NSMCE1: variants seen among roughly 807,000 people sequenced by gnomAD.
The protein encoded by NSMCE1 is non-structural maintenance of chromosomes element 1 homolog.
In NSMCE1, 18 loss-of-function variants were observed where a neutral mutation model predicts 29.6. That is an observed-to-expected ratio of 0.61 (90% CI 0.42 to 0.90). The LOEUF (loss-of-function observed/expected upper bound fraction) is 0.90, where lower values mean the gene tolerates loss of function less well. NSMCE1 is among the 40% of genes least tolerant of loss of function. The pLI is 0.00. For missense variants in NSMCE1, 314 were observed against 343.6 expected (o/e 0.91, Z 0.68); for synonymous variants, 124 against 133.4 (o/e 0.93, Z 0.49).
chr16:27,226,873 G>T, intron 5 of NSMCE1, 37 bp from the exon 6 acceptor site: 1 of 1,307,686 alleles, frequency 7.6e-7, no homozygotes, highest in Non-Finnish European at 1.1e-6. Context: ...CCCTCAGCCA[G>T]GCCCTCTCCC....
chr16:27,244,779 G>C lies in NSMCE1; in HGVS notation c.137-9480C>G, dbSNP rs1191662850. Among the ~76,000 whole-genome samples the C allele has an allele frequency of 2.6e-5, 4 of 152,160 alleles. No homozygotes were observed. The East Asian group carries it at 5.8e-4, about 22-fold the overall frequency. ...ACCACACTGTCTGCCTCCGAGTTAC[G>C]GTCTTTCTCTTTCTAAGCAGAATGC... On this transcript the variant is annotated intron_variant, in intron 2 of 7. Transcript: ENST00000361439.
In NSMCE1 at chr16:27,233,147, G is replaced by T. The variant is rs865942593; in HGVS notation, c.337C>A (p.Leu113Met). 1.2e-6 allele frequency: 2 copies of T among 1,611,272 alleles called. No individual in the cohort carries two copies. The highest frequency in any genetic ancestry group is 1.1e-5 in the South Asian group (1 of 90,166). ...GTTTCTGAGTCAATAATCAGTTCCA[G>T]CTGGAAGAAAGAGCAGGTATCATGC... The part of the protein sequence containing the change: ...ENELDLFRKA[L>M]ELIIDSETGF... Residue 113 changes from leucine to methionine, a missense_variant and splice_region_variant, in exon 5 of 8, where the codon CTG becomes ATG. Coordinates refer to ENST00000361439, the MANE Select transcript of NSMCE1 (RefSeq NM_145080.4).
chr16:27,227,701 C>A (rs76308256), intron 5 of NSMCE1, among the ~76,000 whole-genome samples: 1 of 152,164 alleles, frequency 6.6e-6, no homozygotes, highest in Admixed American at 6.5e-5. Flanking sequence ...GCAAGTCACC[C>A]GAGTGCTCAA....
intron 2 of NSMCE1, among the ~76,000 whole-genome samples, chr16:27,248,386 C>T (rs1368388766): frequency 6.7e-6 from 1 of 149,148 alleles, no homozygotes; most frequent in African/African-American, 2.5e-5. Flanking sequence ...GCAGTGGTAG[C>T]TCACTGCGGT....
chr16:27,255,291 A>G (rs1462602649), intron 2 of NSMCE1, among the ~76,000 whole-genome samples: 2 of 152,160 alleles, frequency 1.3e-5, no homozygotes, highest in African/African-American at 2.4e-5. Flanking sequence ...ACTGCGGCGC[A>G]TCTACCTTCA....
At chr16:27,240,606 C>G (rs1186170262) in intron 2 of NSMCE1, among the ~76,000 whole-genome samples, 1 of 152,178 alleles carries the variant, frequency 6.6e-6, no homozygotes, top group African/African-American at 2.4e-5. Context: ...AGCCACTCTT[C>G]CTTTAACAGG....
chr16:27,252,215 T>C (rs1055318912), intron 2 of NSMCE1, among the ~76,000 whole-genome samples: 1 of 152,166 alleles, frequency 6.6e-6, no homozygotes, highest in African/African-American at 2.4e-5. Context: ...GGATGGGGGC[T>C]GGTCACCAGA....
At chr16:27,235,744 C>G (rs1010831078) in intron 2 of NSMCE1, among the ~76,000 whole-genome samples, 35 of 152,242 alleles carry the variant, frequency 2.3e-4, no homozygotes, top group Non-Finnish European at 7.3e-5. Context: ...TATGTCCCCA[C>G]ACATCTTAGG....
intron 2 of NSMCE1, among the ~76,000 whole-genome samples, chr16:27,255,672 G>A (rs569096150): frequency 1.3e-5 from 2 of 152,136 alleles, no homozygotes; most frequent in Admixed American, 6.5e-5. Context: ...CTTCTTCTCC[G>A]TCTAACACGC....
At chr16:27,267,486 C>T (rs1014956834) in intron 1 of NSMCE1, among the ~76,000 whole-genome samples, 2 of 152,132 alleles carry the variant, frequency 1.3e-5, no homozygotes. Flanking sequence ...TACAACAGCA[C>T]AGTTCCTGTT....
chr16:27,249,717 C>A (rs1209289650), intron 2 of NSMCE1, among the ~76,000 whole-genome samples: 1 of 152,170 alleles, frequency 6.6e-6, no homozygotes, highest in Non-Finnish European at 1.5e-5. Context: ...TCAAGTTTGT[C>A]TTTTTCAAAA....
intron 1 of NSMCE1, 137 bp from the exon 2 acceptor site, chr16:27,257,718 G>A (rs1414175329): frequency 2.8e-6 from 2 of 709,226 alleles, no homozygotes; most frequent in African/African-American, 1.8e-5. Context: ...TTACTACAAA[G>A]GTGAGAAGAA....
At chr16:27,261,111 G>A (rs1209929487) in intron 1 of NSMCE1, among the ~76,000 whole-genome samples, 43 of 145,574 alleles carry the variant, frequency 3.0e-4, no homozygotes, top group African/African-American at 1.1e-3. Flanking sequence ...AGGTTGCAGC[G>A]AGCTGAGATG....
At chr16:27,251,191 A>T (rs28368200) in intron 2 of NSMCE1, among the ~76,000 whole-genome samples, 6,483 of 30,626 alleles carry the variant, frequency 0.21, 281 homozygotes, top group Non-Finnish European at 0.24. Flanking sequence ...TATATATATA[A>T]ATATATATAT....
chr16:27,251,189 T>TATATATATATATATATATATATA (rs1459861130), intron 2 of NSMCE1, among the ~76,000 whole-genome samples: 1 of 58,830 alleles, frequency 1.7e-5, no homozygotes, highest in Non-Finnish European at 2.9e-5. Context: ...TATATATATA[T>TATATATATATATATATATATATA]AAATATATAT....
intron 2 of NSMCE1, among the ~76,000 whole-genome samples, chr16:27,243,562 C>T (rs1056946311): frequency 6.6e-6 from 1 of 152,200 alleles, no homozygotes. Context: ...AGGCCAGTCC[C>T]CTAGCAACCA....
At chr16:27,233,242 A>C in intron 4 of NSMCE1, 95 bp from the exon 5 acceptor site, 4 of 1,026,760 alleles carry the variant, frequency 3.9e-6, no homozygotes, top group Non-Finnish European at 5.8e-6. Context: ...CAGTAAAACC[A>C]CTCAGATCAC....
At chr16:27,227,006 C>T (rs1038732314) in intron 5 of NSMCE1, among the ~76,000 whole-genome samples, 170 bp from the exon 6 acceptor site, 5 of 152,208 alleles carry the variant, frequency 3.3e-5, no homozygotes, top group South Asian at 4.1e-4. Context: ...GGCAGAGCCT[C>T]GGCAAGGGAA....
intron 2 of NSMCE1, among the ~76,000 whole-genome samples, chr16:27,242,427 T>G (rs984099276): frequency 2.7e-5 from 4 of 150,398 alleles, no homozygotes; most frequent in African/African-American, 1.0e-4. Context: ...AATCTGCTCT[T>G]TAGCCTCACT....
Sources: gnomAD v4.1 joint callset for allele counts (sites outside exome capture counted in the v4.1 genomes callset) on GRCh38, gnomAD v4.1.1 for gene constraint, MANE v1.5 for transcripts, NCBI Gene and HGNC (gene_info 2026-07-23, HGNC 2026-07-21) for gene names.